Variants in TASP1 observed in about 807,000 individuals in gnomAD.
TASP1 encodes the protein threonine aspartase 1.
A neutral mutation model predicts 56.6 loss-of-function variants in TASP1; 16 were observed. The ratio of observed to expected loss-of-function variants is 0.28; its 90% CI spans 0.19 to 0.43. The LOEUF (loss-of-function observed/expected upper bound fraction) is 0.43, where lower values mean the gene tolerates loss of function less well. TASP1 is among the 20% of genes least tolerant of loss of function. TASP1 has a pLI of 1.00. For synonymous variants in TASP1, 179 were observed against 184.2 expected (o/e 0.97, Z 0.23); for missense variants, 393 against 511.6 (o/e 0.77, Z 2.24).
the TASP1 span, among the ~76,000 whole-genome samples, chr20:13,189,281 C>T: frequency 2.6e-5 from 4 of 152,018 alleles, no homozygotes; most frequent in African/African-American, 7.2e-5. Context: ...AAAGCAAATG[C>T]AACAAAAACA....
the TASP1 span, chr20:13,153,956 C>T: frequency 6.2e-7 from 1 of 1,603,540 alleles, no homozygotes; most frequent in Non-Finnish European, 8.5e-7. Context: ...CCTTTACTTC[C>T]CTCTTTCTAG....
At chr20:13,417,084 A>G (rs1209404145) in intron 13 of TASP1, among the ~76,000 whole-genome samples, 1 of 152,086 alleles carries the variant, frequency 6.6e-6, no homozygotes, top group Non-Finnish European at 1.5e-5. Context: ...TTATTCCAAC[A>G]CTTCTTGCAG....
chr20:13,207,864 C>T, the TASP1 span, among the ~76,000 whole-genome samples: 2 of 152,110 alleles, frequency 1.3e-5, no homozygotes, highest in Non-Finnish European at 2.9e-5. Context: ...TCACATATCA[C>T]TAAGCCTAAT....
chr20:13,414,608 T>C (rs2042193394), intron 13 of TASP1, among the ~76,000 whole-genome samples: 1 of 152,192 alleles, frequency 6.6e-6, no homozygotes, highest in African/African-American at 2.4e-5. Flanking sequence ...TTTTAACACC[T>C]GTTTCTATTA....
chr20:13,625,710 A>G (rs1433571104), intron 2 of TASP1, among the ~76,000 whole-genome samples: 1 of 152,326 alleles, frequency 6.6e-6, no homozygotes, highest in Non-Finnish European at 1.5e-5. Context: ...TCTGAATAAC[A>G]TTTGAAGTTG....
the TASP1 span, among the ~76,000 whole-genome samples, chr20:13,269,689 G>A: frequency 1.3e-5 from 2 of 152,098 alleles, no homozygotes; most frequent in South Asian, 2.1e-4. Flanking sequence ...TCTCTGAGGG[G>A]TTCTCCCTGA....
the TASP1 span, among the ~76,000 whole-genome samples, chr20:13,118,319 C>T: frequency 6.6e-6 from 1 of 151,798 alleles, no homozygotes; most frequent in South Asian, 2.1e-4. Context: ...GTTGCATACA[C>T]CATAGGTCAA....
At chr20:13,474,418 G>A (rs2044642216) in intron 11 of TASP1, among the ~76,000 whole-genome samples, 1 of 152,152 alleles carries the variant, frequency 6.6e-6, no homozygotes, top group Non-Finnish European at 1.5e-5. Flanking sequence ...ACTTCACTTA[G>A]AATAATGGCC....
intron 11 of TASP1, among the ~76,000 whole-genome samples, chr20:13,472,036 C>T (rs537550965): frequency 1.3e-5 from 2 of 151,966 alleles, no homozygotes; most frequent in South Asian, 2.1e-4. Flanking sequence ...ATTGCCAAGA[C>T]AATCCTAAGC....
chr20:13,601,587 A>AAT (rs2047958960), intron 4 of TASP1, among the ~76,000 whole-genome samples: 1 of 152,240 alleles, frequency 6.6e-6, no homozygotes, highest in Non-Finnish European at 1.5e-5. Flanking sequence ...TTCCAAAAAT[A>AAT]TTAGTTACTC....
the TASP1 span, among the ~76,000 whole-genome samples, chr20:13,307,732 T>G: frequency 6.6e-6 from 1 of 152,240 alleles, no homozygotes; most frequent in Admixed American, 6.5e-5. Context: ...AATATTGGAT[T>G]GTGAAATTCT....
chr20:13,308,487 G>A, the TASP1 span, among the ~76,000 whole-genome samples: 18,719 of 152,088 alleles, frequency 0.12, 1,222 homozygotes, highest in East Asian at 0.28. Flanking sequence ...TATCTAGTAA[G>A]TTGAATCTGC....
At chr20:13,434,502 T>C (rs1024395571) in intron 12 of TASP1, among the ~76,000 whole-genome samples, 1 of 152,158 alleles carries the variant, frequency 6.6e-6, no homozygotes, top group African/African-American at 2.4e-5. Context: ...AAAATACTCA[T>C]TTGACCCTCC....
the TASP1 span, among the ~76,000 whole-genome samples, chr20:13,366,136 A>G: frequency 8.5e-5 from 13 of 152,250 alleles, no homozygotes; most frequent in African/African-American, 3.1e-4. Context: ...TGTTTTGGAC[A>G]TATTTGGAAA....
At chr20:13,276,048 T>G in the TASP1 span, among the ~76,000 whole-genome samples, 236 of 152,346 alleles carry the variant, frequency 1.5e-3, no homozygotes, top group Non-Finnish European at 2.7e-3. Context: ...GGGAATTAGA[T>G]ATCTTCCTAG....
chr20:13,450,202 A>G (rs1022753226), intron 11 of TASP1, among the ~76,000 whole-genome samples: 2 of 152,126 alleles, frequency 1.3e-5, no homozygotes, highest in Non-Finnish European at 2.9e-5. Context: ...GCTAATGATT[A>G]TCTGAGACTT....
At chr20:13,163,026 G>A in the TASP1 span, among the ~76,000 whole-genome samples, 5 of 152,010 alleles carry the variant, frequency 3.3e-5, no homozygotes, top group Admixed American at 6.6e-5. Flanking sequence ...AATATATTAC[G>A]TACATTATAT....
chr20:13,319,745 C>G, the TASP1 span, among the ~76,000 whole-genome samples: 1 of 152,212 alleles, frequency 6.6e-6, no homozygotes, highest in Admixed American at 6.5e-5. Flanking sequence ...CCCCCCTGCA[C>G]ACACACACTC....
chr20:13,401,086 C>G (rs2041722277), intron 13 of TASP1, among the ~76,000 whole-genome samples: 6 of 152,286 alleles, frequency 3.9e-5, no homozygotes. Context: ...GGGCGGCTAC[C>G]ACCTGGCTCT....
Sources: allele counts gnomAD v4.1 joint callset (sites outside exome capture counted in the v4.1 genomes callset), GRCh38; gene constraint gnomAD v4.1.1; transcripts MANE v1.5; gene names NCBI Gene and HGNC (gene_info 2026-07-23, HGNC 2026-07-21).